CHKA: variants seen among roughly 807,000 people sequenced by gnomAD.
CHKA encodes choline kinase alpha, also known as CHETK-alpha.
Under a neutral mutation model 60.1 loss-of-function variants are expected in CHKA, and 34 were observed. The ratio of observed to expected loss-of-function variants is 0.57; its 90% confidence interval spans 0.43 to 0.75. The LOEUF is 0.75. CHKA is among the 30% of genes least tolerant of loss of function. The pLI is 0.00. For missense variants in CHKA, 563 were observed against 561.3 expected, an observed-to-expected ratio of 1.00 and a Z score of -0.03; for synonymous variants, 217 against 223.1, an observed-to-expected ratio of 0.97 and a Z score of 0.24.
chr11:68,065,423 G>A (rs1856408829), intron 9 of CHKA, among the ~76,000 whole-genome samples: 1 of 152,198 alleles, frequency 6.6e-6, no homozygotes, highest in Admixed American at 6.5e-5. Context: ...ATGTAGGCCA[G>A]GCATGGTGGC....
intron 9 of CHKA, among the ~76,000 whole-genome samples, 179 bp from the exon 10 acceptor site, chr11:68,064,810 C>T (rs1359880262): frequency 3.3e-5 from 5 of 152,152 alleles, no homozygotes; most frequent in African/African-American, 9.7e-5. Flanking sequence ...GGTTTTCAGC[C>T]GCTCTCTCTC....
chr11:68,120,781 C>T, intron 1 of CHKA, 47 bp downstream of exon 1: 1 of 1,054,866 alleles, frequency 9.5e-7, no homozygotes, highest in Non-Finnish European at 1.2e-6. Context: ...CGGCCCCGCC[C>T]CGCGTCACCT....
At position 68,081,632 on chromosome 11, in the gene CHKA, G is replaced by C. The variant is rs566214136; in HGVS notation, c.463-175C>G. 1.6e-5 allele frequency: 9 copies of C among 564,470 alleles called. No homozygotes were observed. The African/African-American group carries it at 1.7e-4, about 11-fold the overall frequency. The allele number at this position is 564,470 out of a possible 1,614,324, so 35.0% of individuals were successfully genotyped here. ...AATGCACCAGCAGCCTCCAGCACTAGTACCAACACCTTAGAAAGTGCTTCA... is the reference window on the plus strand; with the variant it reads ...AATGCACCAGCAGCCTCCAGCACTACTACCAACACCTTAGAAAGTGCTTCA... On this transcript the variant is annotated intron_variant, in intron 2 of 11. Transcript: ENST00000265689.
chr11:68,090,337 T>C (rs1235871776), intron 2 of CHKA, among the ~76,000 whole-genome samples: 1 of 151,416 alleles, frequency 6.6e-6, no homozygotes, highest in African/African-American at 2.4e-5. Flanking sequence ...TAAAGCAGAG[T>C]GAACAGAACA....
intron 1 of CHKA, among the ~76,000 whole-genome samples, chr11:68,114,482 G>A (rs975553255): frequency 2.6e-5 from 4 of 152,104 alleles, no homozygotes; most frequent in Non-Finnish European, 5.9e-5. Context: ...CAGATGACAA[G>A]GTCAGGAGTT....
intron 6 of CHKA, among the ~76,000 whole-genome samples, chr11:68,069,168 G>A (rs1395374717): frequency 1.3e-5 from 2 of 152,010 alleles, no homozygotes; most frequent in African/African-American, 4.8e-5. Flanking sequence ...CTCCCTCCTG[G>A]AGCCCCTTTC....
chr11:68,103,093 A>C (rs1857788226), intron 1 of CHKA, among the ~76,000 whole-genome samples: 1 of 152,164 alleles, frequency 6.6e-6, no homozygotes, highest in African/African-American at 2.4e-5. Context: ...CTATGAATGC[A>C]CCACTGTACT....
At position 68,102,174 on chromosome 11, in the gene CHKA, T is replaced by C. The variant is rs941100332; in HGVS notation, c.351-5044A>G. On this transcript the variant is annotated intron_variant, in intron 1 of 11. Transcript: ENST00000265689. Reference sequence around the variant, plus strand: ...ACATTCAATGCAATCCCTATCAAAATACCAATGACATTCTTCATAGAAATA... The same window carrying C: ...ACATTCAATGCAATCCCTATCAAAACACCAATGACATTCTTCATAGAAATA... 2.7e-5 allele frequency among the ~76,000 whole-genome samples: 4 copies of C among 150,300 alleles called. No individual in the cohort carries two copies. The East Asian group carries it at 5.8e-4, about 22-fold the overall frequency.
chr11:68,095,526 G>A (rs1857473478), intron 2 of CHKA, among the ~76,000 whole-genome samples: 2 of 145,444 alleles, frequency 1.4e-5, no homozygotes, highest in Non-Finnish European at 3.0e-5. Context: ...TGGCTAACAC[G>A]GTGAAACCCC....
At chr11:68,083,052 T>C (rs1857037762) in intron 2 of CHKA, among the ~76,000 whole-genome samples, 1 of 152,244 alleles carries the variant, frequency 6.6e-6, no homozygotes, top group South Asian at 2.1e-4. Context: ...GACTCTGCTT[T>C]GCGGGTCGCC....
At chr11:68,118,537 A>T (rs1858482673) in intron 1 of CHKA, among the ~76,000 whole-genome samples, 1 of 152,200 alleles carries the variant, frequency 6.6e-6, no homozygotes, top group East Asian at 1.9e-4. Context: ...AGAATCACTG[A>T]ATTTCAACCA....
At chr11:68,057,604 C>T (rs1434927576) in intron 11 of CHKA, among the ~76,000 whole-genome samples, 1 of 152,212 alleles carries the variant, frequency 6.6e-6, no homozygotes, top group Non-Finnish European at 1.5e-5. Flanking sequence ...CAGGCGTGAG[C>T]CACCGCGACC....
chr11:68,119,958 G>T (rs563886296), intron 1 of CHKA, among the ~76,000 whole-genome samples: 1 of 152,144 alleles, frequency 6.6e-6, no homozygotes, highest in Non-Finnish European at 1.5e-5. Flanking sequence ...GCCGAGCGCG[G>T]TGGCTCATGC....
At position 68,120,791 on chromosome 11, in the gene CHKA, T is replaced by G. The variant is rs763492186; in HGVS notation, c.350+37A>C. ...CGCCCCGGCCCCGCCCCGCGTCACC[T>G]GACTGTCCCGCGGCCCCCAGACCCG... On this transcript the variant is annotated intron_variant, in intron 1 of 11. Transcript: ENST00000265689. 5.6e-6 allele frequency: 5 copies of G among 890,240 alleles called. No individual in the cohort carries two copies. In the South Asian group the frequency reaches 9.3e-5, roughly 17 times the overall value. 55.1% of individuals were successfully genotyped at this position (890,240 alleles called of 1,614,324 possible).
intron 5 of CHKA, among the ~76,000 whole-genome samples, chr11:68,070,500 A>C (rs1007187193): frequency 1.3e-5 from 2 of 152,242 alleles, no homozygotes; most frequent in African/African-American, 4.8e-5. Context: ...CTGTCCCTTC[A>C]CCCGTTCAAT....
intron 3 of CHKA, among the ~76,000 whole-genome samples, chr11:68,078,945 A>T (rs945456154): frequency 6.6e-6 from 1 of 151,684 alleles, no homozygotes; most frequent in East Asian, 1.9e-4. Flanking sequence ...AGATATTATT[A>T]TTATTATTTT....
intron 2 of CHKA, among the ~76,000 whole-genome samples, chr11:68,085,154 G>T (rs1283413036): frequency 6.6e-6 from 1 of 152,036 alleles, no homozygotes; most frequent in East Asian, 1.9e-4. Flanking sequence ...GGAAACAAAT[G>T]AGGCTACAGT....
At chr11:68,081,667 G>A (rs762301804) in intron 2 of CHKA, 27 of 500,198 alleles carry the variant, frequency 5.4e-5, no homozygotes, top group Non-Finnish European at 8.0e-5. Context: ...ATTGCTTTAC[G>A]AGAAAAGGGA....
At chr11:68,070,659 C>A (rs974532600) in intron 5 of CHKA, 65 bp downstream of exon 5, 7 of 1,557,094 alleles carry the variant, frequency 4.5e-6, no homozygotes, top group Admixed American at 1.7e-5. Flanking sequence ...CAAATGCTCA[C>A]TTATGGTACT....
Sources: allele counts gnomAD v4.1 joint callset (sites outside exome capture counted in the v4.1 genomes callset), GRCh38; gene constraint gnomAD v4.1.1; transcripts MANE v1.5; gene names NCBI Gene and HGNC (gene_info 2026-07-23, HGNC 2026-07-21).